GRIK1: variants seen among roughly 807,000 people sequenced by gnomAD.
GRIK1 encodes the protein glutamate ionotropic receptor kainate type subunit 1, also known as glutamate receptor ionotropic, kainate 1.
A neutral mutation model predicts 105.7 loss-of-function variants in GRIK1; 69 were observed. The observed-to-expected ratio is 0.65, with a 90% CI of 0.54 to 0.80. The LOEUF is 0.80. GRIK1 is among the 30% of genes least tolerant of loss of function. The pLI is 0.00. For missense variants in GRIK1, 1,109 were observed against 1,167.3 expected (o/e 0.95, Z 0.73); for synonymous variants, 438 against 431.3 (o/e 1.02, Z -0.19).
At chr21:29,909,790 G>A (rs941491979) in intron 1 of GRIK1, among the ~76,000 whole-genome samples, 6 of 152,160 alleles carry the variant, frequency 3.9e-5, no homozygotes, top group African/African-American at 7.2e-5. Flanking sequence ...GCAGAGAAGC[G>A]GAGAGAGCCT....
chr21:29,934,039 C>T (rs1393861863), intron 1 of GRIK1, among the ~76,000 whole-genome samples: 3 of 152,172 alleles, frequency 2.0e-5, no homozygotes, highest in South Asian at 2.1e-4. Flanking sequence ...AGTGAAACAA[C>T]GAAAGAGGAT....
chr21:29,662,386 T>C (rs919260591), intron 4 of GRIK1, among the ~76,000 whole-genome samples: 2 of 152,170 alleles, frequency 1.3e-5, no homozygotes, highest in Non-Finnish European at 2.9e-5. Flanking sequence ...AACTAAAAAA[T>C]AACCTCTCTG....
At chr21:29,696,510 G>T (rs2063704573) in intron 1 of GRIK1, among the ~76,000 whole-genome samples, 1 of 152,232 alleles carries the variant, frequency 6.6e-6, no homozygotes, top group African/African-American at 2.4e-5. Context: ...CAACAGTGAG[G>T]TGACAAGATG....
At position 29,589,857 on chromosome 21, in the gene GRIK1, T is replaced by A. The variant is rs73900019; in HGVS notation, c.1366-815A>T. Among the ~76,000 whole-genome samples, 455 of 152,374 alleles carry A rather than the reference T, an allele frequency of 3.0e-3. 4 individuals are homozygous for A. Among genetic ancestry groups the A allele is most frequent in the African/African-American group, 0.011 (445 of 41,590 alleles). Reference sequence around the variant, plus strand: ...TCATCTGAATTTCACTATTCACTTATGATTTATATATTTTGATTGGTTTCC... The same window carrying A: ...TCATCTGAATTTCACTATTCACTTAAGATTTATATATTTTGATTGGTTTCC... On this transcript the variant is annotated intron_variant, in intron 10 of 17. Transcript: ENST00000327783.
At chr21:29,794,581 A>G (rs187264508) in intron 1 of GRIK1, among the ~76,000 whole-genome samples, 2 of 152,352 alleles carry the variant, frequency 1.3e-5, no homozygotes, top group African/African-American at 4.8e-5. Flanking sequence ...TCTGTGAGTT[A>G]ACCAGTACAT....
At chr21:29,566,845 A>G (rs898531714) in intron 14 of GRIK1, among the ~76,000 whole-genome samples, 2 of 152,190 alleles carry the variant, frequency 1.3e-5, no homozygotes, top group Admixed American at 6.5e-5. Flanking sequence ...GATCCCAGTA[A>G]TCTGGTTCCA....
intron 1 of GRIK1, among the ~76,000 whole-genome samples, chr21:29,850,546 C>T (rs1315343975): frequency 3.3e-5 from 5 of 152,132 alleles, no homozygotes; most frequent in Non-Finnish European, 5.9e-5. Flanking sequence ...GAACAAAAAA[C>T]GAATCCCAGG....
At chr21:29,587,297 G>T in intron 12 of GRIK1, 69 bp downstream of exon 12, 1 of 949,408 alleles carries the variant, frequency 1.1e-6, no homozygotes, top group Non-Finnish European at 1.7e-6. Context: ...ATTTTTGTCT[G>T]CCTCTGGGAC....
In GRIK1 at chr21:29,651,254, C is replaced by T; in HGVS notation, c.818G>A (p.Ser273Asn). Residue 273 changes from serine to asparagine, a missense_variant, in exon 6 of 18, where the codon AGT (serine) becomes AAT (asparagine). By Grantham distance (46) the Ser-to-Asn change is conservative. This residue lies in a region of GRIK1 where 612 missense variants were observed against 586.0 expected (regional missense o/e 1.04). Transcript: ENST00000327783. Reference protein sequence around the residue: ...FALDLELYRYSGVNMTGFRLL... With the variant: ...FALDLELYRYNGVNMTGFRLL... Reference sequence around the variant, plus strand: ...CCGAAACCCGGTCATGTTTACGCCACTGTACCTATAGAGTTCCAGATCCAA... The same window carrying T: ...CCGAAACCCGGTCATGTTTACGCCATTGTACCTATAGAGTTCCAGATCCAA... 6.2e-7 allele frequency: 1 copy of T among 1,613,648 alleles called. No individual in the cohort carries two copies. The highest frequency in any genetic ancestry group is 1.7e-4 in the Middle Eastern group (1 of 6,060).
intron 1 of GRIK1, among the ~76,000 whole-genome samples, chr21:29,791,139 T>C (rs950409400): frequency 1.3e-5 from 2 of 151,974 alleles, no homozygotes; most frequent in African/African-American, 4.8e-5. Flanking sequence ...ATCTGGAGTA[T>C]GGTGTGAGCT....
chr21:29,923,254 C>T (rs1418128031), intron 1 of GRIK1, among the ~76,000 whole-genome samples: 3 of 152,106 alleles, frequency 2.0e-5, no homozygotes, highest in Admixed American at 1.3e-4. Context: ...ACTTTTCAGT[C>T]GAAATGTCAG....
chr21:29,838,184 C>T (rs1022253991), intron 1 of GRIK1, among the ~76,000 whole-genome samples: 1 of 152,036 alleles, frequency 6.6e-6, no homozygotes, highest in Non-Finnish European at 1.5e-5. Flanking sequence ...AGGAATCAGC[C>T]CTTGATTCAG....
chr21:29,749,944 G>T (rs895290739), intron 1 of GRIK1, among the ~76,000 whole-genome samples: 6 of 152,024 alleles, frequency 3.9e-5, no homozygotes, highest in African/African-American at 9.6e-5. Context: ...AATCTAAATT[G>T]TGAAGTCTTT....
intron 1 of GRIK1, among the ~76,000 whole-genome samples, chr21:29,767,674 A>G (rs1270416893): frequency 2.0e-5 from 3 of 152,246 alleles, no homozygotes; most frequent in Non-Finnish European, 4.4e-5. Context: ...TAGAGGTCTC[A>G]AAAGGCTCTT....
At chr21:29,699,601 T>G (rs921501076) in intron 1 of GRIK1, among the ~76,000 whole-genome samples, 17 of 152,164 alleles carry the variant, frequency 1.1e-4, no homozygotes, top group African/African-American at 3.9e-4. Flanking sequence ...TTTGTTTTTT[T>G]GTGTTTGTTT....
chr21:29,768,331 G>A (rs2065726645), intron 1 of GRIK1, among the ~76,000 whole-genome samples: 1 of 152,148 alleles, frequency 6.6e-6, no homozygotes, highest in African/African-American at 2.4e-5. Flanking sequence ...CTTAAAAGTG[G>A]AACCTGAGGC....
chr21:29,919,338 T>C (rs1005890895), intron 1 of GRIK1, among the ~76,000 whole-genome samples: 2 of 152,136 alleles, frequency 1.3e-5, no homozygotes, highest in Non-Finnish European at 2.9e-5. Context: ...ATATCCATCA[T>C]AGTCACTGCA....
chr21:29,741,353 A>G (rs561183647), intron 1 of GRIK1, among the ~76,000 whole-genome samples: 2 of 152,246 alleles, frequency 1.3e-5, no homozygotes, highest in East Asian at 3.9e-4. Context: ...TAGAACATCA[A>G]TACATTTTTT....
chr21:29,622,492 C>G (rs887374251), intron 7 of GRIK1, among the ~76,000 whole-genome samples: 1 of 152,090 alleles, frequency 6.6e-6, no homozygotes, highest in African/African-American at 2.4e-5. Context: ...ACATTCATGC[C>G]CTAGCTACAG....
Sources: allele counts gnomAD v4.1 joint callset (sites outside exome capture counted in the v4.1 genomes callset), GRCh38; gene constraint gnomAD v4.1.1; regional missense constraint gnomAD v4.1.1; transcripts MANE v1.5; gene names NCBI Gene and HGNC (gene_info 2026-07-23, HGNC 2026-07-21).